GPC5: variants seen among roughly 807,000 people sequenced by gnomAD.
The protein encoded by GPC5 is glypican-5.
Under a neutral mutation model 53.9 loss-of-function variants are expected in GPC5, and 47 were observed. The ratio of observed to expected loss-of-function variants is 0.87; its 90% CI spans 0.69 to 1.11. The LOEUF is 1.11. Among genes scored for constraint, GPC5 ranks in the 50% most tolerant of loss-of-function variants. GPC5 has a pLI of 0.00. For missense variants in GPC5, 748 were observed against 713.1 expected, an observed-to-expected ratio of 1.05 and a Z score of -0.56; for synonymous variants, 286 against 263.3, an observed-to-expected ratio of 1.09 and a Z score of -0.84.
chr13:92,492,131 TA>T (rs1452017282), intron 7 of GPC5, among the ~76,000 whole-genome samples: 3 of 152,202 alleles, frequency 2.0e-5, no homozygotes, highest in Non-Finnish European at 4.4e-5. Context: ...GAAGCAGGTA[TA>T]GACTCAGTAT....
intron 7 of GPC5, among the ~76,000 whole-genome samples, chr13:92,265,631 A>G (rs1192868096): frequency 2.0e-5 from 3 of 152,176 alleles, no homozygotes; most frequent in African/African-American, 7.2e-5. Flanking sequence ...AATCCCCATT[A>G]GTGCCTCATT....
chr13:91,597,229 T>C (rs547491319), intron 2 of GPC5, among the ~76,000 whole-genome samples: 9 of 152,354 alleles, frequency 5.9e-5, no homozygotes, highest in Admixed American at 3.9e-4. Flanking sequence ...GGCATGATGC[T>C]AGATCTAGTG....
intron 7 of GPC5, among the ~76,000 whole-genome samples, chr13:92,622,345 C>G (rs1367763580): frequency 1.3e-5 from 2 of 152,180 alleles, no homozygotes; most frequent in African/African-American, 4.8e-5. Flanking sequence ...GTTATAGTTG[C>G]TCTGTTGCTC....
At chr13:91,820,798 C>T (rs1475098165) in intron 5 of GPC5, among the ~76,000 whole-genome samples, 6 of 151,926 alleles carry the variant, frequency 3.9e-5, no homozygotes, top group Non-Finnish European at 7.4e-5. Flanking sequence ...GCCATCTCTA[C>T]TAAAAATACA....
intron 7 of GPC5, among the ~76,000 whole-genome samples, chr13:92,467,344 A>C (rs1319159058): frequency 6.6e-6 from 1 of 152,104 alleles, no homozygotes; most frequent in East Asian, 1.9e-4. Context: ...TGAATAATCA[A>C]ACTGGAAATC....
At chr13:91,593,130 C>T (rs1030458257) in intron 2 of GPC5, among the ~76,000 whole-genome samples, 4 of 152,194 alleles carry the variant, frequency 2.6e-5, no homozygotes, top group African/African-American at 4.8e-5. Flanking sequence ...AGAGGTTCAT[C>T]GCAAGGGTGA....
At position 92,853,726 on chromosome 13, in the gene GPC5, T is replaced by C. The variant is rs544759284; in HGVS notation, c.1562-12556T>C. ...CTGGAGAACATGTTCAGGGTTTCCA[T>C]TGTTCAAATAATGAGACTTTCAGAC... On this transcript the variant is annotated intron_variant, in intron 7 of 7. Transcript: ENST00000377067. Among the ~76,000 whole-genome samples the C allele has an allele frequency of 4.6e-5, 7 of 152,244 alleles. No homozygotes were observed. The East Asian group carries it at 1.4e-3, about 29-fold the overall frequency.
At chr13:91,405,412 C>T (rs1877246825) in intron 1 of GPC5, among the ~76,000 whole-genome samples, 1 of 152,132 alleles carries the variant, frequency 6.6e-6, no homozygotes, top group African/African-American at 2.4e-5. Context: ...CGTTGAAAAC[C>T]ACAGGTGTGA....
intron 7 of GPC5, among the ~76,000 whole-genome samples, chr13:92,326,230 A>G (rs1048884162): frequency 3.9e-5 from 6 of 152,124 alleles, no homozygotes; most frequent in Non-Finnish European, 1.5e-5. Flanking sequence ...GTGTAATTCT[A>G]CTTGCCGGTA....
intron 6 of GPC5, among the ~76,000 whole-genome samples, chr13:91,939,172 A>G (rs569338067): frequency 2.8e-4 from 42 of 152,222 alleles, no homozygotes; most frequent in African/African-American, 9.4e-4. Flanking sequence ...TAGTAATGCT[A>G]TCATGTAAAA....
intron 6 of GPC5, among the ~76,000 whole-genome samples, chr13:92,118,009 C>T (rs2041614365): frequency 6.6e-6 from 1 of 152,192 alleles, no homozygotes; most frequent in South Asian, 2.1e-4. Flanking sequence ...GAAGAGCTAA[C>T]TTCTTGCCTT....
intron 6 of GPC5, among the ~76,000 whole-genome samples, chr13:91,943,128 C>G (rs2039943211): frequency 6.6e-6 from 1 of 151,982 alleles, no homozygotes; most frequent in African/African-American, 2.4e-5. Flanking sequence ...ATATTGAACT[C>G]AAGACAATGA....
At chr13:92,596,004 C>T (rs1883868802) in intron 7 of GPC5, among the ~76,000 whole-genome samples, 1 of 152,050 alleles carries the variant, frequency 6.6e-6, no homozygotes, top group Non-Finnish European at 1.5e-5. Flanking sequence ...CTCTTATTTG[C>T]TATTCTTGCA....
At chr13:92,768,992 A>AT (rs1185555579) in intron 7 of GPC5, among the ~76,000 whole-genome samples, 3 of 152,188 alleles carry the variant, frequency 2.0e-5, no homozygotes, top group Non-Finnish European at 4.4e-5. Flanking sequence ...TTGTAGTATC[A>AT]TATAAATAAG....
At chr13:92,180,166 C>T (rs1050365956) in intron 7 of GPC5, among the ~76,000 whole-genome samples, 3 of 152,176 alleles carry the variant, frequency 2.0e-5, no homozygotes, top group Non-Finnish European at 4.4e-5. Flanking sequence ...TGCATGAAAA[C>T]TGCAGGTTTG....
At chr13:92,310,830 G>A (rs2043140636) in intron 7 of GPC5, among the ~76,000 whole-genome samples, 1 of 151,948 alleles carries the variant, frequency 6.6e-6, no homozygotes, top group Non-Finnish European at 1.5e-5. Flanking sequence ...CAGATTATAG[G>A]GTAAAAATAT....
At chr13:91,717,296 G>C (rs2139941211) in intron 3 of GPC5, among the ~76,000 whole-genome samples, 1 of 152,316 alleles carries the variant, frequency 6.6e-6, no homozygotes, top group South Asian at 2.1e-4. Context: ...AATTTGGTTT[G>C]TCCTCATTAG....
At chr13:92,494,697 AG>A (rs1452399475) in intron 7 of GPC5, among the ~76,000 whole-genome samples, 1 of 152,154 alleles carries the variant, frequency 6.6e-6, no homozygotes, top group Non-Finnish European at 1.5e-5. Flanking sequence ...TTGACTTTAT[AG>A]GGAATGCCTG....
chr13:92,396,177 T>C (rs546118187), intron 7 of GPC5, among the ~76,000 whole-genome samples: 1,727 of 152,304 alleles, frequency 0.011, 33 homozygotes, highest in African/African-American at 0.039. Context: ...CATTAACTTA[T>C]CTGTTTGCAT....
Sources: allele counts gnomAD v4.1 joint callset (sites outside exome capture counted in the v4.1 genomes callset), GRCh38; gene constraint gnomAD v4.1.1; transcripts MANE v1.5; gene names NCBI Gene and HGNC (gene_info 2026-07-23, HGNC 2026-07-21).